Variants in REC8 observed in about 807,000 individuals in gnomAD.
The protein encoded by REC8 is REC8 meiotic recombination protein, also known as meiotic recombination protein REC8 homolog.
Under a neutral mutation model 78.3 loss-of-function variants are expected in REC8, and 42 were observed. The ratio of observed to expected loss-of-function variants is 0.54; its 90% CI spans 0.42 to 0.69. The LOEUF is 0.69. REC8 is among the 30% of genes least tolerant of loss of function. The pLI is 0.00. For synonymous variants in REC8, 268 were observed against 274.1 expected (o/e 0.98, Z 0.22); for missense variants, 581 against 715.8 (o/e 0.81, Z 2.15).
intron 6 of REC8, 143 bp downstream of exon 6, chr14:24,175,767 G>C (rs1032901218): frequency 4.8e-6 from 3 of 625,086 alleles, no homozygotes; most frequent in Non-Finnish European, 8.5e-6. Flanking sequence ...CTGTTGCCCA[G>C]GCTACAGTGC....
rs751108633 is a variant in REC8, at chr14:24,176,814, C to A, written c.545-8C>A. ...GCAGAGAGGCTAGTGACTCTCTTGT[C>A]CCTCCAGAGAGGATTCCGGTCACTG... On this transcript the variant is annotated splice_polypyrimidine_tract_variant and splice_region_variant and intron_variant, in intron 6 of 18. Coordinates refer to ENST00000611366, the MANE Select transcript of REC8 (RefSeq NM_001048205.2). 1.2e-6 allele frequency: 2 copies of A among 1,607,990 alleles called. No individual in the cohort carries two copies. The highest frequency in any genetic ancestry group is 1.7e-6 in the Non-Finnish European group (2 of 1,175,434).
At position 24,179,990 on chromosome 14, in the gene REC8, TCTC is replaced by T; in HGVS notation, c.1559-16_1559-14del. On this transcript the variant is annotated splice_polypyrimidine_tract_variant and intron_variant, in intron 18 of 18. Transcript: ENST00000611366. ...GTACAGGGACTCCCCCGACCTGCCC[TCTC>T]CTCGCCTCTTGACCAGTGCTCTCAG... The T allele has an allele frequency of 1.2e-6, 2 of 1,614,024 alleles. No individual in the cohort carries two copies. The highest frequency in any genetic ancestry group is 2.2e-5 in the South Asian group (2 of 91,068).
At chr14:24,175,671 A>C in intron 6 of REC8, 47 bp downstream of exon 6, 2 of 1,483,584 alleles carry the variant, frequency 1.3e-6, no homozygotes, top group South Asian at 2.3e-5. Flanking sequence ...AGGCAGGCCC[A>C]AGAGCTGTAG....
At chr14:24,176,923 G>C (rs367649032) in intron 7 of REC8, 22 bp downstream of exon 7, 1 of 1,594,216 alleles carries the variant, frequency 6.3e-7, no homozygotes, top group South Asian at 1.1e-5. Context: ...TGCACACAGG[G>C]CCTGAGGTCC....
At position 24,173,419 on chromosome 14, in the gene REC8, T is replaced by C. The variant is rs2038754321; in HGVS notation, c.462+8T>C. On this transcript the variant is annotated splice_region_variant and intron_variant, in intron 5 of 18. Transcript: ENST00000611366. ...CCTTTCGATATCCCTCAGGTAGGGCTCATTCCCCAAGACTCGTGAATTGGC... is the reference window on the plus strand; with the variant it reads ...CCTTTCGATATCCCTCAGGTAGGGCCCATTCCCCAAGACTCGTGAATTGGC... The C allele has an allele frequency of 2.5e-6, 4 of 1,613,802 alleles. No homozygotes were observed. The African/African-American group carries it at 4.0e-5, about 16-fold the overall frequency.
chr14:24,179,233 G>C (rs1017554287), intron 15 of REC8, 100 bp downstream of exon 15: 42 of 1,240,672 alleles, frequency 3.4e-5, no homozygotes, highest in Non-Finnish European at 4.3e-5. Flanking sequence ...GTGAAGGCGT[G>C]TGTGTGTGAC....
At chr14:24,177,025 G>C in intron 7 of REC8, 116 bp from the exon 8 acceptor site, 1 of 1,333,118 alleles carries the variant, frequency 7.5e-7, no homozygotes, top group Non-Finnish European at 1.1e-6. Context: ...TGAGCACCCA[G>C]TGGCTTCCTT....
At chr14:24,176,138 C>A (rs1455318418) in intron 6 of REC8, among the ~76,000 whole-genome samples, 2 of 151,370 alleles carry the variant, frequency 1.3e-5, no homozygotes, top group African/African-American at 4.9e-5. Context: ...GCACTTTAGG[C>A]TCACTGCAAC....
At chr14:24,178,941 A>C in intron 14 of REC8, 25 bp downstream of exon 14, 1 of 1,612,084 alleles carries the variant, frequency 6.2e-7, no homozygotes, top group Non-Finnish European at 8.5e-7. Context: ...TGTTTACTGC[A>C]TCGCCCCAGT....
chr14:24,179,919 ATGTG>A lies in REC8; in HGVS notation c.1558+23_1558+26del, dbSNP rs141999393. On this transcript the variant is annotated intron_variant, in intron 18 of 18. Transcript: ENST00000611366. Reference sequence around the variant, plus strand: ...TACCTGCTCCTGGGTGAGTGTATGCATGTGTGTGTGTGTATGTGGGGCAGGGACA... The same window carrying A: ...TACCTGCTCCTGGGTGAGTGTATGCATGTGTGTGTATGTGGGGCAGGGACA... 3 of 1,612,170 alleles carry A rather than the reference ATGTG, an allele frequency of 1.9e-6. No individual in the cohort carries two copies. Among genetic ancestry groups the A allele is most frequent in the Non-Finnish European group, 1.7e-6 (2 of 1,178,890 alleles).
Position 24,174,590 on chromosome 14 carries a change from T to G in REC8, c.463-953T>G, listed in dbSNP as rs66645687. On this transcript the variant is annotated intron_variant, in intron 5 of 18. Coordinates refer to ENST00000611366, the MANE Select transcript of REC8 (RefSeq NM_001048205.2). ...ACCGTGCCTGGCACATACCCCAGTT[T>G]AGAACTAGTCATCCCCAGACTTCTC... 4.9e-3 allele frequency among the ~76,000 whole-genome samples: 740 copies of G among 152,296 alleles called. 9 individuals carry two copies. Among genetic ancestry groups the G allele is most frequent in the African/African-American group, 0.017 (711 of 41,546 alleles).
chr14:24,180,223 G>C lies in REC8; in HGVS notation c.*128G>C. 6.3e-7 allele frequency: 1 copy of C among 1,592,176 alleles called. No homozygotes were observed. Among genetic ancestry groups the C allele is most frequent in the Non-Finnish European group, 8.6e-7 (1 of 1,167,614 alleles). ...CAGCCTTCTTGCTCTCAGAGCTATT[G>C]TTCAAGCAGAAAACAAGCTGCTTTT... On this transcript the variant is annotated 3_prime_UTR_variant, in exon 19 of 19. Transcript: ENST00000611366.
downstream of REC8, chr14:24,180,878 T>A: frequency 1.4e-6 from 1 of 702,164 alleles, no homozygotes; most frequent in Non-Finnish European, 2.3e-6. Context: ...TGGTACTGAT[T>A]CACAGGCATC....
rs1241821512 is a variant in REC8, at chr14:24,178,205, G to A, written c.979G>A (p.Ala327Thr). 1 of 1,613,880 alleles carries A rather than the reference G, an allele frequency of 6.2e-7. No homozygotes were observed. The highest frequency in any genetic ancestry group is 1.3e-5 in the African/African-American group (1 of 74,922). ...ATTCCAGGAACAACTGCAAACCAGA[G>A]CCCACTGCTGGGAATGTGTGAGTGC... ...EKFQEQLQTR[A>T]HCWECPMVQP... is the part of the protein sequence containing the mutation. The change falls in exon 12 of 19, where the codon GCC (alanine) becomes ACC (threonine). Residue 327 changes from alanine to threonine, a missense_variant. Coordinates refer to ENST00000611366, the MANE Select transcript of REC8 (RefSeq NM_001048205.2).
chr14:24,180,761 G>A (rs1566640359), downstream of REC8: 2 of 1,613,444 alleles, frequency 1.2e-6, no homozygotes, highest in African/African-American at 2.7e-5. Context: ...TCTATAACCT[G>A]TGAGGAAAGA....
In REC8 at chr14:24,177,457, C is replaced by T. The variant is rs779924495; in HGVS notation, c.738-8C>T. ...GTCTCCTCATTTCTCTTGCCCATTT[C>T]CCCTCAGGGTGGAAGGAATAGGAGA... is the stretch of plus-strand genomic sequence containing the variant. On this transcript the variant is annotated splice_region_variant and splice_polypyrimidine_tract_variant and intron_variant, in intron 9 of 18. Coordinates refer to ENST00000611366, the MANE Select transcript of REC8 (RefSeq NM_001048205.2). 2 of 1,614,122 alleles carry T rather than the reference C, an allele frequency of 1.2e-6. No individual in the cohort carries two copies. The highest frequency in any genetic ancestry group is 1.7e-6 in the Non-Finnish European group (2 of 1,180,010).
intron 15 of REC8, 31 bp downstream of exon 15, chr14:24,179,164 C>A: frequency 6.5e-7 from 1 of 1,531,990 alleles, no homozygotes; most frequent in Non-Finnish European, 8.9e-7. Flanking sequence ...CGCAGTGGGA[C>A]CACACCCTAA....
chr14:24,176,761 C>A, intron 6 of REC8, 61 bp from the exon 7 acceptor site: 1 of 1,330,454 alleles, frequency 7.5e-7, no homozygotes, highest in Non-Finnish European at 1.1e-6. Context: ...TTTTCCTTAA[C>A]TGCATGGCTG....
intron 5 of REC8, among the ~76,000 whole-genome samples, chr14:24,174,111 TCTC>T (rs1006178401): frequency 1.3e-4 from 20 of 151,876 alleles, no homozygotes; most frequent in African/African-American, 4.8e-4. Flanking sequence ...GATCTGCCTG[TCTC>T]CTCCTCCTGA....
Sources: gnomAD v4.1 joint callset for allele counts (sites outside exome capture counted in the v4.1 genomes callset) on GRCh38, gnomAD v4.1.1 for gene constraint, MANE v1.5 for transcripts, NCBI Gene and HGNC (gene_info 2026-07-23, HGNC 2026-07-21) for gene names.